Variants in PPP2R2B observed in about 807,000 individuals in gnomAD.
PPP2R2B encodes serine/threonine-protein phosphatase 2A 55 kDa regulatory subunit B beta isoform.
PPP2R2B carries 5 observed loss-of-function variants against 46.0 expected under a neutral mutation model. The observed-to-expected ratio is 0.11, with a 90% CI of 0.06 to 0.23. The LOEUF (loss-of-function observed/expected upper bound fraction) is 0.23, where lower values mean the gene tolerates loss of function less well. PPP2R2B is among the 10% of genes least tolerant of loss of function. The pLI, the probability that PPP2R2B is intolerant of heterozygous loss-of-function variation, is 1.00. For synonymous variants in PPP2R2B, 215 were observed against 206.7 expected (o/e 1.04, Z -0.34); for missense variants, 367 against 575.0 (o/e 0.64, Z 3.70).
At chr5:146,703,351 G>A (rs895219635) in intron 2 of PPP2R2B, among the ~76,000 whole-genome samples, 6 of 152,142 alleles carry the variant, frequency 3.9e-5, no homozygotes, top group Non-Finnish European at 7.3e-5. Context: ...ATAATGAGAG[G>A]GTGGTGGGAG....
At chr5:146,777,204 C>A (rs1234027496) in intron 2 of PPP2R2B, among the ~76,000 whole-genome samples, 2 of 151,862 alleles carry the variant, frequency 1.3e-5, no homozygotes, top group Non-Finnish European at 2.9e-5. Flanking sequence ...TCACAATAAC[C>A]AAAAGGTAGA....
At chr5:146,857,978 A>G (rs1561964385) in intron 2 of PPP2R2B, among the ~76,000 whole-genome samples, 2 of 152,184 alleles carry the variant, frequency 1.3e-5, no homozygotes, top group South Asian at 2.1e-4. Flanking sequence ...ATAAGCCACC[A>G]TGCCCAGCCA....
At chr5:147,009,921 T>C (rs1018276583) in intron 1 of PPP2R2B, among the ~76,000 whole-genome samples, 3 of 150,402 alleles carry the variant, frequency 2.0e-5, no homozygotes, top group Non-Finnish European at 4.4e-5. Flanking sequence ...GACCTGGAGA[T>C]AATTTAAGCA....
chr5:146,866,045 T>C (rs2963078), intron 2 of PPP2R2B, among the ~76,000 whole-genome samples: 22,300 of 152,202 alleles, frequency 0.15, 1,927 homozygotes, highest in East Asian at 0.35. Context: ...ATTTTGTAAA[T>C]AGAGTTTCAC....
chr5:146,981,150 G>A (rs1359023521), intron 1 of PPP2R2B, among the ~76,000 whole-genome samples: 1 of 151,992 alleles, frequency 6.6e-6, no homozygotes, highest in Non-Finnish European at 1.5e-5. Flanking sequence ...TTTGTTCATA[G>A]TACCTGGCAC....
intron 6 of PPP2R2B, among the ~76,000 whole-genome samples, chr5:146,640,457 C>A (rs983402622): frequency 2.6e-5 from 4 of 152,234 alleles, no homozygotes; most frequent in Non-Finnish European, 5.9e-5. Flanking sequence ...AGCTCCGGTG[C>A]TCTCTCAGCC....
intron 1 of PPP2R2B, among the ~76,000 whole-genome samples, chr5:146,991,403 G>T (rs1753692379): frequency 6.6e-6 from 1 of 152,092 alleles, no homozygotes; most frequent in Non-Finnish European, 1.5e-5. Flanking sequence ...GTAGAATAGT[G>T]ATTACCAGAG....
rs1581648412 is a variant in PPP2R2B at position 146,588,009 on chromosome 5, C to T, written c.*1938G>A. 1 of 152,144 alleles carries T rather than the reference C, an allele frequency of 6.6e-6. No individual in the cohort carries two copies. The highest frequency in any genetic ancestry group is 2.1e-4 in the South Asian group (1 of 4,826). The allele number at this position is 152,144 out of a possible 1,614,324, so 9.4% of individuals were successfully genotyped here. ...TAAATGTAGGCCAATAACCCAGTGG[C>T]CTTCTGCAAAATCATCACTCTCTAT... On this transcript the variant is annotated 3_prime_UTR_variant, in exon 10 of 10. Coordinates refer to ENST00000394411, the MANE Select transcript of PPP2R2B (RefSeq NM_181675.4).
intron 1 of PPP2R2B, among the ~76,000 whole-genome samples, chr5:146,974,891 A>T (rs888342692): frequency 1.3e-5 from 2 of 151,908 alleles, no homozygotes; most frequent in African/African-American, 4.8e-5. Flanking sequence ...GGGTTTCACC[A>T]TGTTAGCCAG....
chr5:146,880,259 C>A (rs563610245), upstream of PPP2R2B, among the ~76,000 whole-genome samples: 5 of 149,266 alleles, frequency 3.3e-5, no homozygotes, highest in South Asian at 1.1e-3. Flanking sequence ...TCAATAGATT[C>A]TATTTTATTT....
intron 2 of PPP2R2B, among the ~76,000 whole-genome samples, chr5:147,080,146 T>C (rs2151914585): frequency 6.6e-6 from 1 of 152,344 alleles, no homozygotes; most frequent in Non-Finnish European, 1.5e-5. Context: ...TAATCTTTGC[T>C]TGAATTACTT....
chr5:146,981,225 G>T (rs1753161832), intron 1 of PPP2R2B, among the ~76,000 whole-genome samples: 2 of 151,966 alleles, frequency 1.3e-5, no homozygotes, highest in African/African-American at 4.8e-5. Flanking sequence ...CTTCATTCAG[G>T]GTTCAGTTTT....
At chr5:147,075,656 T>A (rs1757740993) in intron 2 of PPP2R2B, among the ~76,000 whole-genome samples, 1 of 152,142 alleles carries the variant, frequency 6.6e-6, no homozygotes, top group African/African-American at 2.4e-5. Context: ...TTTCCCAGTG[T>A]TAGTAACGGT....
intron 6 of PPP2R2B, among the ~76,000 whole-genome samples, chr5:146,644,095 T>C (rs1227466286): frequency 6.6e-6 from 1 of 152,138 alleles, no homozygotes; most frequent in African/African-American, 2.4e-5. Flanking sequence ...AAGAGGTGAA[T>C]TGTTTATTGC....
intron 1 of PPP2R2B, among the ~76,000 whole-genome samples, chr5:147,047,587 T>C (rs1037562880): frequency 6.6e-6 from 1 of 152,170 alleles, no homozygotes; most frequent in Non-Finnish European, 1.5e-5. Context: ...TTGGTATGAA[T>C]GATCACATTT....
At chr5:146,702,902 T>C (rs1279648093) in intron 2 of PPP2R2B, among the ~76,000 whole-genome samples, 1 of 152,176 alleles carries the variant, frequency 6.6e-6, no homozygotes, top group African/African-American at 2.4e-5. Context: ...GGTTACTAAG[T>C]TCCAGATGTA....
rs189032683 is a variant in PPP2R2B, at chr5:146,781,257, T to C, written c.71-80115A>G. On this transcript the variant is annotated intron_variant, in intron 2 of 9. Transcript: ENST00000394411. Reference sequence around the variant, plus strand: ...GCCCCAAATCACATCATAACAGTAGTGTGAGTATATCAACCCAGGTCTAAG... The same window carrying C: ...GCCCCAAATCACATCATAACAGTAGCGTGAGTATATCAACCCAGGTCTAAG... Among the ~76,000 whole-genome samples the C allele has an allele frequency of 1.6e-3, 235 of 147,050 alleles. 1 individual carries two copies. Among genetic ancestry groups the C allele is most frequent in the African/African-American group, 5.3e-3 (211 of 40,152 alleles).
intron 1 of PPP2R2B, among the ~76,000 whole-genome samples, chr5:146,951,994 A>T (rs1275250717): frequency 2.2e-5 from 3 of 133,746 alleles, no homozygotes; most frequent in South Asian, 2.3e-4. Context: ...TTTTTTTTTT[A>T]AAGCTCCTCA....
At chr5:146,740,349 C>T (rs1207149720) in intron 2 of PPP2R2B, among the ~76,000 whole-genome samples, 1 of 152,012 alleles carries the variant, frequency 6.6e-6, no homozygotes, top group Non-Finnish European at 1.5e-5. Flanking sequence ...ACTAAGAGCA[C>T]CTGATAGTTA....
Sources: allele counts gnomAD v4.1 joint callset (sites outside exome capture counted in the v4.1 genomes callset), GRCh38; gene constraint gnomAD v4.1.1; transcripts MANE v1.5; gene names NCBI Gene and HGNC (gene_info 2026-07-23, HGNC 2026-07-21).